Variants in RAI14 observed in about 807,000 individuals in gnomAD.
RAI14 encodes ankycorbin.
In RAI14, 45 loss-of-function variants were observed where a neutral mutation model predicts 115.4. The observed-to-expected ratio is 0.39, with a 90% CI of 0.31 to 0.50. The LOEUF is 0.50. Among genes scored for constraint, RAI14 ranks in the 20% least tolerant of loss-of-function variants. The pLI is 0.85. For missense variants in RAI14, 939 were observed against 1,131.2 expected (o/e 0.83, Z 2.44); for synonymous variants, 371 against 415.4 (o/e 0.89, Z 1.30).
At chr5:34,820,407 C>T (rs1182555526) in intron 13 of RAI14, among the ~76,000 whole-genome samples, 1 of 152,108 alleles carries the variant, frequency 6.6e-6, no homozygotes, top group Non-Finnish European at 1.5e-5. Flanking sequence ...TGGCAAAACC[C>T]CGTCTCTACT....
chr5:34,686,951 G>A lies in RAI14; in HGVS notation c.32G>A (p.Ser11Asn). 1.2e-6 allele frequency: 2 copies of A among 1,613,854 alleles called. No homozygotes were observed. Among genetic ancestry groups the A allele is most frequent in the Non-Finnish European group, 1.7e-6 (2 of 1,179,872 alleles). MKSLKAKFRK[S>N]DTNEWNKNDD... Reference sequence around the variant, plus strand: ...AGCTTGAAAGCGAAGTTCAGGAAGAGTGACGTGAGTATGCGGTGACTCACA... The same window carrying A: ...AGCTTGAAAGCGAAGTTCAGGAAGAATGACGTGAGTATGCGGTGACTCACA... The change falls in exon 2 of 18, where the codon AGT (serine) becomes AAT (asparagine). Residue 11 changes from serine (S) to asparagine (N), a missense_variant. Ser to Asn is a conservative substitution (Grantham distance 46). Coordinates refer to ENST00000265109, the MANE Select transcript of RAI14 (RefSeq NM_015577.3).
chr5:34,754,337 A>G (rs1747590498), intron 2 of RAI14, among the ~76,000 whole-genome samples: 1 of 152,134 alleles, frequency 6.6e-6, no homozygotes, highest in African/African-American at 2.4e-5. Context: ...CAGACGTCTA[A>G]TTGGGACCCT....
chr5:34,813,591 A>G lies in RAI14; in HGVS notation c.783A>G (p.Lys261=), dbSNP rs1755848821. The G allele has an allele frequency of 3.7e-6, 6 of 1,613,070 alleles. No homozygotes were observed. Among genetic ancestry groups the G allele is most frequent in the Non-Finnish European group, 5.1e-6 (6 of 1,179,340 alleles). The change falls in exon 11 of 18, where the codon AAA becomes AAG. Residue 261 remains lysine (K), a synonymous_variant. Transcript: ENST00000265109. The part of the protein sequence containing the change: ...TKPKQHDQVS[K]ISSERSGTPK... ...ACTTTCAGCATGACCAAGTCTCTAAAATAAGCTCAGAAAGAAGTGGAACTC... is the reference window on the plus strand; with the variant it reads ...ACTTTCAGCATGACCAAGTCTCTAAGATAAGCTCAGAAAGAAGTGGAACTC...
In RAI14 at chr5:34,723,505, A is replaced by G. The variant is rs149318915; in HGVS notation, c.37-33963A>G. Among the ~76,000 whole-genome samples, 836 of 152,306 alleles carry G rather than the reference A, an allele frequency of 5.5e-3. 3 individuals carry two copies. The highest frequency in any genetic ancestry group is 0.01 in the Non-Finnish European group (681 of 68,006). On this transcript the variant is annotated intron_variant, in intron 2 of 17. Transcript: ENST00000265109. ...AGGTGCTCCTCTTTACTCAAAGTTT[A>G]CCGATTTAAGTGTTAATCATATCTA...
chr5:34,728,208 C>G (rs1743722971), intron 2 of RAI14, among the ~76,000 whole-genome samples: 1 of 152,184 alleles, frequency 6.6e-6, no homozygotes, highest in Non-Finnish European at 1.5e-5. Context: ...AAGTAACCAA[C>G]TTACTTTTAA....
rs1433473388 is a variant in RAI14 at position 34,826,473 on chromosome 5, G to T, written c.2793G>T (p.Gln931His). Residue 931 changes from glutamine (Q) to histidine (H), a missense_variant, in exon 16 of 18, where the codon CAG becomes CAT. Coordinates refer to ENST00000265109, the MANE Select transcript of RAI14 (RefSeq NM_015577.3). ...LQQQVKQLQN[Q>H]LAECKKQHQE... ...AGCAAGTCAAACAGCTCCAGAACCA[G>T]CTGGCGGTGAGTGGGCTTGTTTCTG... The T allele has an allele frequency of 1.2e-6, 2 of 1,612,922 alleles. No individual in the cohort carries two copies.
intron 2 of RAI14, among the ~76,000 whole-genome samples, chr5:34,701,235 C>T (rs1204563425): frequency 6.6e-6 from 1 of 152,058 alleles, no homozygotes; most frequent in African/African-American, 2.4e-5. Context: ...CATAACATTA[C>T]GAGACAAGGA....
At chr5:34,712,729 A>C (rs997616865) in intron 2 of RAI14, among the ~76,000 whole-genome samples, 3 of 152,208 alleles carry the variant, frequency 2.0e-5, no homozygotes, top group African/African-American at 7.2e-5. Context: ...ATAAGCAAGA[A>C]AAGTTTGTGA....
chr5:34,696,097 G>A (rs565033598), intron 2 of RAI14, among the ~76,000 whole-genome samples: 2 of 152,140 alleles, frequency 1.3e-5, no homozygotes, highest in African/African-American at 2.4e-5. Flanking sequence ...TAGGATTACG[G>A]GAGTGAGCCA....
chr5:34,738,344 A>G (rs432049), intron 2 of RAI14, among the ~76,000 whole-genome samples: 12,600 of 152,286 alleles, frequency 0.083, 576 homozygotes, highest in Middle Eastern at 0.2. Context: ...ATTGTTCTAC[A>G]GTTTGCTATT....
chr5:34,692,955 C>G (rs1738814685), intron 2 of RAI14, among the ~76,000 whole-genome samples: 1 of 152,192 alleles, frequency 6.6e-6, no homozygotes, highest in African/African-American at 2.4e-5. Flanking sequence ...GTTCCATGCT[C>G]TGACCTAGAT....
chr5:34,811,674 A>G, intron 8 of RAI14, 93 bp from the exon 9 acceptor site: 1 of 1,180,606 alleles, frequency 8.5e-7, no homozygotes, highest in Non-Finnish European at 1.2e-6. Flanking sequence ...ACTGCACTTA[A>G]TCTTCTTTTC....
chr5:34,756,136 G>C (rs570969796), intron 2 of RAI14, among the ~76,000 whole-genome samples: 10 of 152,316 alleles, frequency 6.6e-5, no homozygotes, highest in African/African-American at 2.4e-4. Context: ...CCTGGCTTAA[G>C]GCCCTACATA....
chr5:34,694,463 T>C (rs930616889), intron 2 of RAI14, among the ~76,000 whole-genome samples: 1 of 152,234 alleles, frequency 6.6e-6, no homozygotes, highest in Non-Finnish European at 1.5e-5. Context: ...GTGACTAGAC[T>C]TGGCTTTCTT....
intron 11 of RAI14, 109 bp downstream of exon 11, chr5:34,813,769 AT>A: frequency 1.5e-6 from 1 of 684,880 alleles, no homozygotes; most frequent in Non-Finnish European, 2.2e-6. Flanking sequence ...CTTTAAGTGC[AT>A]ATTTAAAATT....
At chr5:34,736,270 G>A (rs752912912) in intron 2 of RAI14, among the ~76,000 whole-genome samples, 3 of 152,246 alleles carry the variant, frequency 2.0e-5, no homozygotes, top group South Asian at 2.1e-4. Context: ...GCATGGTGGC[G>A]TGTGCCTGTA....
intron 12 of RAI14, 128 bp downstream of exon 12, chr5:34,814,797 G>A: frequency 1.4e-6 from 1 of 705,064 alleles, no homozygotes. Context: ...TTTTCACCAT[G>A]AAGTACCCCT....
intron 2 of RAI14, among the ~76,000 whole-genome samples, chr5:34,734,623 G>T (rs1744627650): frequency 6.6e-6 from 1 of 151,892 alleles, no homozygotes; most frequent in Admixed American, 6.6e-5. Context: ...TAACTGGCAG[G>T]CCAGGAAGAT....
At chr5:34,748,080 G>A (rs568221299) in intron 2 of RAI14, among the ~76,000 whole-genome samples, 68 of 152,286 alleles carry the variant, frequency 4.5e-4, no homozygotes, top group Non-Finnish European at 7.9e-4. Flanking sequence ...GAAGTGGGTA[G>A]GGCAGAGGGA....
Sources: allele counts gnomAD v4.1 joint callset (sites outside exome capture counted in the v4.1 genomes callset), GRCh38; gene constraint gnomAD v4.1.1; transcripts MANE v1.5; gene names NCBI Gene and HGNC (gene_info 2026-07-23, HGNC 2026-07-21).